The following JAZF1 variants were observed in gnomAD, a reference collection of about 807,000 sequenced individuals.
JAZF1 encodes the protein juxtaposed with another zinc finger protein 1.
JAZF1 carries 8 observed loss-of-function variants against 26.4 expected under a neutral mutation model. That is an observed-to-expected ratio of 0.30 (90% confidence interval 0.18 to 0.55). JAZF1 has a LOEUF of 0.55. Among genes scored for constraint, JAZF1 ranks in the 20% least tolerant of loss-of-function variants. JAZF1 has a pLI of 0.94. For synonymous variants in JAZF1, 126 were observed against 122.3 expected, an observed-to-expected ratio of 1.03 and a Z score of -0.20; for missense variants, 199 against 322.0, an observed-to-expected ratio of 0.62 and a Z score of 2.92.
At chr7:28,070,982 G>C (rs899036285) in intron 1 of JAZF1, among the ~76,000 whole-genome samples, 1 of 152,168 alleles carries the variant, frequency 6.6e-6, no homozygotes, top group Non-Finnish European at 1.5e-5. Flanking sequence ...AATGAAAACT[G>C]TGAATACCTT....
intron 3 of JAZF1, among the ~76,000 whole-genome samples, chr7:27,888,835 T>C (rs1162899099): frequency 1.3e-5 from 2 of 152,298 alleles, no homozygotes; most frequent in African/African-American, 4.8e-5. Context: ...TACTTGAATT[T>C]TCCCCCCCAG....
intron 2 of JAZF1, among the ~76,000 whole-genome samples, chr7:27,981,772 C>G (rs1050545127): frequency 6.6e-6 from 1 of 152,094 alleles, no homozygotes; most frequent in Non-Finnish European, 1.5e-5. Context: ...CTCACTTTCT[C>G]CGAGATGACT....
chr7:28,101,577 A>T (rs1217545270), intron 1 of JAZF1, among the ~76,000 whole-genome samples: 1 of 13,088 alleles, frequency 7.6e-5, no homozygotes, highest in Non-Finnish European at 1.9e-4. Context: ...TTTCTATATT[A>T]AAAAAAAAAA....
chr7:28,177,705 C>T (rs760874659), intron 1 of JAZF1, among the ~76,000 whole-genome samples: 1 of 152,172 alleles, frequency 6.6e-6, no homozygotes, highest in Non-Finnish European at 1.5e-5. Flanking sequence ...CACCAACAGA[C>T]ATGAAATCAG....
chr7:28,105,171 A>T (rs10228049), intron 1 of JAZF1, among the ~76,000 whole-genome samples: 6,095 of 152,222 alleles, frequency 0.04, 378 homozygotes, highest in African/African-American at 0.13. Context: ...AACAAACAAG[A>T]ACTCTCCTCT....
In JAZF1 at chr7:28,120,501, C is replaced by CTTTTTTTT. The variant is rs58448766; in HGVS notation, c.115+59954_115+59961dup. ...TCTGAACCACTAGCCACACACAGTT[C>CTTTTTTTT]TTTTTTTTTTTTTTTTTTTTTTTTT... On this transcript the variant is annotated intron_variant, in intron 1 of 4. Coordinates refer to ENST00000283928, the MANE Select transcript of JAZF1 (RefSeq NM_175061.4). Among the ~76,000 whole-genome samples the CTTTTTTTT allele has an allele frequency of 3.8e-3, 227 of 59,008 alleles. 40 individuals carry two copies. Among genetic ancestry groups the CTTTTTTTT allele is most frequent in the South Asian group, 5.2e-3 (5 of 966 alleles). 38.7% of individuals were successfully genotyped at this position (59,008 alleles called of 152,430 possible). A position where few individuals can be genotyped will look rare whatever the true frequency, so the allele number is the denominator to read the frequency against.
chr7:28,159,827 A>G (rs748734212), intron 1 of JAZF1, among the ~76,000 whole-genome samples: 1 of 152,206 alleles, frequency 6.6e-6, no homozygotes, highest in Non-Finnish European at 1.5e-5. Context: ...CGGGGAGTCT[A>G]GATTCTCATA....
intron 3 of JAZF1, among the ~76,000 whole-genome samples, chr7:27,845,776 C>T (rs1244117684): frequency 6.6e-6 from 1 of 151,702 alleles, no homozygotes; most frequent in African/African-American, 2.4e-5. Flanking sequence ...AGTCACACAG[C>T]GGTCTGCAGC....
rs569147180 is a variant in JAZF1 at position 28,134,113 on chromosome 7, G to A, written c.115+46350C>T. On this transcript the variant is annotated intron_variant, in intron 1 of 4. Coordinates refer to ENST00000283928, the MANE Select transcript of JAZF1 (RefSeq NM_175061.4). ...CAACCCTGTGCATTGAACAGCGCCTGGTGGGTACTGAGCACTCCATGCATG... is the reference window on the plus strand; with the variant it reads ...CAACCCTGTGCATTGAACAGCGCCTAGTGGGTACTGAGCACTCCATGCATG... Among the ~76,000 whole-genome samples the A allele has an allele frequency of 5.9e-5, 9 of 152,256 alleles. No individual in the cohort carries two copies. In the South Asian group the frequency reaches 1.9e-3, roughly 32 times the overall value.
In JAZF1 at chr7:27,943,945, CTT is replaced by C. The variant is rs1784888158; in HGVS notation, c.188+47962_188+47963del. On this transcript the variant is annotated intron_variant, in intron 2 of 4. Transcript: ENST00000283928. ...TTAAGTCTGTCTCCTGATTTTCATA[CTT>C]TCTTTGATTCCTATGACACAAAGCA... is the stretch of plus-strand genomic sequence containing the variant. Among the ~76,000 whole-genome samples, 6 of 152,270 alleles carry C rather than the reference CTT, an allele frequency of 3.9e-5. No individual in the cohort carries two copies. The South Asian group carries it at 1.2e-3, about 32-fold the overall frequency.
rs564356793 is a variant in JAZF1 at position 28,040,918 on chromosome 7, A to G, written c.116-48937T>C. On this transcript the variant is annotated intron_variant, in intron 1 of 4. Transcript: ENST00000283928. The stretch of plus-strand genomic sequence containing the variant: ...GCTAATATTTAATTTAATATGCCCC[A>G]AATTCAACATAGCAGACACTATGTT... Among the ~76,000 whole-genome samples the G allele has an allele frequency of 7.9e-5, 12 of 152,274 alleles. 1 individual carries two copies. In the East Asian group the frequency reaches 2.3e-3, roughly 29 times the overall value.
intron 2 of JAZF1, among the ~76,000 whole-genome samples, chr7:27,948,129 T>C (rs1042695239): frequency 1.3e-5 from 2 of 151,742 alleles, no homozygotes; most frequent in Admixed American, 1.3e-4. Context: ...TGATGTGGGG[T>C]AGCCAGCCAC....
chr7:28,073,290 CA>C (rs1369555300), intron 1 of JAZF1, among the ~76,000 whole-genome samples: 1 of 152,162 alleles, frequency 6.6e-6, no homozygotes, highest in African/African-American at 2.4e-5. Flanking sequence ...ATGAAGCCCA[CA>C]CACCCATCCA....
intron 1 of JAZF1, among the ~76,000 whole-genome samples, chr7:28,131,530 T>G (rs1207064554): frequency 1.3e-5 from 2 of 152,222 alleles, no homozygotes; most frequent in Middle Eastern, 3.2e-3. Flanking sequence ...TTATCTCTTT[T>G]TCCTATAAGC....
chr7:27,998,025 AGAAGGAAGGAAGGAAG>A (rs199643152), intron 1 of JAZF1, among the ~76,000 whole-genome samples: 5 of 111,288 alleles, frequency 4.5e-5, no homozygotes, highest in East Asian at 2.5e-4. Context: ...AATGGGGGGA[AGAAGGAAGGAAGGAAG>A]GAAGGAAGGA....
intron 3 of JAZF1, 137 bp downstream of exon 3, chr7:27,895,083 G>T: frequency 2.2e-6 from 1 of 445,884 alleles, no homozygotes; most frequent in Non-Finnish European, 4.0e-6. Flanking sequence ...TCAATATGTA[G>T]ACTAGTGAAA....
intron 2 of JAZF1, among the ~76,000 whole-genome samples, chr7:27,895,913 G>C (rs1784055631): frequency 6.6e-6 from 1 of 151,894 alleles, no homozygotes; most frequent in Non-Finnish European, 1.5e-5. Context: ...GTATTACTTT[G>C]ATTCTCATAT....
At chr7:27,994,883 C>T (rs963407007) in intron 1 of JAZF1, among the ~76,000 whole-genome samples, 1 of 152,144 alleles carries the variant, frequency 6.6e-6, no homozygotes, top group Non-Finnish European at 1.5e-5. Flanking sequence ...TTTCTCCCTC[C>T]CTGACAGAAA....
chr7:27,879,471 A>G (rs1783732111), intron 3 of JAZF1, among the ~76,000 whole-genome samples: 2 of 152,208 alleles, frequency 1.3e-5, no homozygotes. Flanking sequence ...GACAACAATG[A>G]ACAGGTATGC....
Sources: allele counts gnomAD v4.1 joint callset (sites outside exome capture counted in the v4.1 genomes callset), GRCh38; gene constraint gnomAD v4.1.1; transcripts MANE v1.5; gene names NCBI Gene and HGNC (gene_info 2026-07-23, HGNC 2026-07-21).